The following OSBPL9 variants were observed in gnomAD, a reference collection of about 807,000 sequenced individuals.
The protein encoded by OSBPL9 is oxysterol-binding protein-related protein 9.
Under a neutral mutation model 106.6 loss-of-function variants are expected in OSBPL9, and 40 were observed. The ratio of observed to expected loss-of-function variants is 0.38; its 90% CI spans 0.29 to 0.49. The LOEUF (loss-of-function observed/expected upper bound fraction) is 0.49. Among genes scored for constraint, OSBPL9 ranks in the 20% least tolerant of loss-of-function variants. The pLI is 0.97. For synonymous variants in OSBPL9, 269 were observed against 295.4 expected (o/e 0.91, Z 0.92); for missense variants, 609 against 887.2 (o/e 0.69, Z 3.98).
intron 3 of OSBPL9, chr1:51,709,421 C>A: frequency 5.6e-6 from 1 of 178,618 alleles, no homozygotes; most frequent in East Asian, 1.3e-4. Flanking sequence ...ACCTGGCTTC[C>A]TGAGGGGCGG....
the OSBPL9 span, among the ~76,000 whole-genome samples, chr1:51,534,570 G>C: frequency 6.6e-6 from 1 of 152,138 alleles, no homozygotes; most frequent in Admixed American, 6.6e-5. Context: ...ATTCAGACCC[G>C]TTGAAGTGGA....
At chr1:51,526,142 G>T in the OSBPL9 span, among the ~76,000 whole-genome samples, 5 of 152,168 alleles carry the variant, frequency 3.3e-5, no homozygotes, top group African/African-American at 9.7e-5. Context: ...CTCCCAAAAC[G>T]CTGGGATTAC....
intron 12 of OSBPL9, among the ~76,000 whole-genome samples, chr1:51,766,606 C>T (rs979650290): frequency 1.3e-5 from 2 of 152,104 alleles, no homozygotes; most frequent in African/African-American, 2.4e-5. Flanking sequence ...TTATTTCCTA[C>T]AGTGTTATGG....
chr1:51,765,092 C>A (rs375971820), intron 11 of OSBPL9, among the ~76,000 whole-genome samples: 187 of 152,276 alleles, frequency 1.2e-3, no homozygotes, highest in African/African-American at 4.4e-3. Context: ...TTTGTTCTTG[C>A]TTTACTAGTA....
intron 1 of OSBPL9, among the ~76,000 whole-genome samples, chr1:51,628,499 G>A (rs370650131): frequency 8.6e-5 from 13 of 151,780 alleles, no homozygotes; most frequent in African/African-American, 3.1e-4. Context: ...TGGGAGAATT[G>A]CTTGAACCCG....
At chr1:51,695,487 T>A (rs1655828628) in intron 3 of OSBPL9, among the ~76,000 whole-genome samples, 1 of 152,250 alleles carries the variant, frequency 6.6e-6, no homozygotes, top group Non-Finnish European at 1.5e-5. Flanking sequence ...GTTGGTGATA[T>A]TAACCCCTTT....
intron 2 of OSBPL9, among the ~76,000 whole-genome samples, chr1:51,598,529 A>G (rs1319270249): frequency 2.0e-5 from 3 of 152,198 alleles, no homozygotes; most frequent in Non-Finnish European, 4.4e-5. Context: ...GACTCATCAG[A>G]TGTAAGTAGC....
intron 4 of OSBPL9, among the ~76,000 whole-genome samples, chr1:51,728,786 A>G (rs951923716): frequency 6.6e-6 from 1 of 152,052 alleles, no homozygotes; most frequent in Non-Finnish European, 1.5e-5. Context: ...CCGCCTCCCA[A>G]AGTGCTGGGA....
chr1:51,750,587 A>G (rs1669020547), intron 8 of OSBPL9, among the ~76,000 whole-genome samples: 1 of 152,196 alleles, frequency 6.6e-6, no homozygotes, highest in Non-Finnish European at 1.5e-5. Flanking sequence ...TTAAATTTTT[A>G]CGGATTTTTT....
intron 2 of OSBPL9, among the ~76,000 whole-genome samples, chr1:51,610,605 G>A (rs141965658): frequency 1.3e-5 from 2 of 152,344 alleles, no homozygotes; most frequent in African/African-American, 4.8e-5. Flanking sequence ...GATTTTAGCT[G>A]GAGAAGCTAC....
chr1:51,739,597 G>A (rs1367034384), intron 4 of OSBPL9, among the ~76,000 whole-genome samples: 1 of 151,986 alleles, frequency 6.6e-6, no homozygotes, highest in African/African-American at 2.4e-5. Flanking sequence ...GAAAGGAAAG[G>A]TTTAATACTA....
intron 12 of OSBPL9, 61 bp downstream of exon 12, chr1:51,766,042 G>C: frequency 1.4e-6 from 2 of 1,448,490 alleles, no homozygotes; most frequent in East Asian, 2.5e-5. Context: ...AATCTAATTT[G>C]ATTTTGAGAC....
intron 4 of OSBPL9, among the ~76,000 whole-genome samples, chr1:51,744,863 C>T (rs2148997507): frequency 6.6e-6 from 1 of 152,282 alleles, no homozygotes; most frequent in South Asian, 2.1e-4. Context: ...GCAAATGCTG[C>T]ACTTTTAGAC....
upstream of OSBPL9, among the ~76,000 whole-genome samples, chr1:51,575,613 C>T (rs1406923618): frequency 6.6e-6 from 1 of 152,156 alleles, no homozygotes; most frequent in Non-Finnish European, 1.5e-5. Context: ...TCCTATTACT[C>T]ACGTCTGATG....
chr1:51,772,273 A>G (rs1338826687), intron 13 of OSBPL9, 91 bp downstream of exon 13: 2 of 1,056,692 alleles, frequency 1.9e-6, no homozygotes, highest in East Asian at 2.6e-5. Context: ...GCACTTTGGG[A>G]GACCGAGGTG....
chr1:51,780,827 G>A (rs1244132294), intron 15 of OSBPL9, among the ~76,000 whole-genome samples: 1 of 152,096 alleles, frequency 6.6e-6, no homozygotes, highest in South Asian at 2.1e-4. Flanking sequence ...GGGGTGTGAA[G>A]GATAAAAGAC....
At chr1:51,530,193 C>CACA in the OSBPL9 span, among the ~76,000 whole-genome samples, 1 of 55,636 alleles carries the variant, frequency 1.8e-5, no homozygotes, top group South Asian at 6.1e-4. Context: ...AAAAAAAAAA[C>CACA]AAAAAAAAAA....
chr1:51,691,349 G>A lies in OSBPL9; in HGVS notation c.241+21837G>A, dbSNP rs974994455. On this transcript the variant is annotated intron_variant, in intron 3 of 23. Coordinates refer to ENST00000428468, the MANE Select transcript of OSBPL9 (RefSeq NM_024586.6). Reference sequence around the variant, plus strand: ...GGCTGGAGTGTGGTGGCATGATCTCGGCTCACTGCAACCTCTGACTCCTGG... The same window carrying A: ...GGCTGGAGTGTGGTGGCATGATCTCAGCTCACTGCAACCTCTGACTCCTGG... 7.2e-5 allele frequency among the ~76,000 whole-genome samples: 10 copies of A among 139,488 alleles called. 1 individual carries two copies. In the Middle Eastern group the frequency reaches 0.014, roughly 190 times the overall value. 91.5% of individuals were successfully genotyped at this position (139,488 alleles called of 152,430 possible).
At chr1:51,736,261 T>G (rs1363590087) in intron 4 of OSBPL9, among the ~76,000 whole-genome samples, 1 of 152,212 alleles carries the variant, frequency 6.6e-6, no homozygotes, top group African/African-American at 2.4e-5. Context: ...TTTTAACAAC[T>G]TTAGCGAAAA....
Sources: gnomAD v4.1 joint callset for allele counts (sites outside exome capture counted in the v4.1 genomes callset) on GRCh38, gnomAD v4.1.1 for gene constraint, MANE v1.5 for transcripts, NCBI Gene and HGNC (gene_info 2026-07-23, HGNC 2026-07-21) for gene names.